The following EDIL3 variants were observed in gnomAD, a reference collection of about 807,000 sequenced individuals.
The protein encoded by EDIL3 is EGF like and discoidin domains 3.
EDIL3 carries 37 observed loss-of-function variants against 67.4 expected under a neutral mutation model. That is an observed-to-expected ratio of 0.55 (90% CI 0.42 to 0.72). The LOEUF (loss-of-function observed/expected upper bound fraction) is 0.72. Ranked by LOEUF, EDIL3 falls within the 30% of genes least tolerant of loss-of-function variation. The pLI, the probability that EDIL3 is intolerant of heterozygous loss-of-function variation, is 0.00. For missense variants in EDIL3, 527 were observed against 586.3 expected (o/e 0.90, Z 1.04); for synonymous variants, 195 against 196.3 (o/e 0.99, Z 0.05).
intron 3 of EDIL3, 38 bp from the exon 4 acceptor site, chr5:84,180,559 T>C: frequency 6.6e-7 from 1 of 1,520,770 alleles, no homozygotes; most frequent in Non-Finnish European, 8.8e-7. Context: ...TTGATGCATA[T>C]TCTTAAAAGT....
At chr5:84,133,350 C>T (rs1748027208) in intron 5 of EDIL3, among the ~76,000 whole-genome samples, 1 of 150,622 alleles carries the variant, frequency 6.6e-6, no homozygotes, top group Non-Finnish European at 1.5e-5. Flanking sequence ...GGTCTGCGCG[C>T]AGTAGCTCAT....
chr5:84,017,178 G>A lies in EDIL3; in HGVS notation c.1137+43122C>T, dbSNP rs182180094. ...CATATTTCCCCCCACATTCAACCTAGTTCTATTGTCAAGATTTACACATCT... is the reference window on the plus strand; with the variant it reads ...CATATTTCCCCCCACATTCAACCTAATTCTATTGTCAAGATTTACACATCT... On this transcript the variant is annotated intron_variant, in intron 9 of 10. Coordinates refer to ENST00000296591, the MANE Select transcript of EDIL3 (RefSeq NM_005711.5). Among the ~76,000 whole-genome samples, 6 of 152,210 alleles carry A rather than the reference G, an allele frequency of 3.9e-5. No homozygotes were observed. In the East Asian group the frequency reaches 9.6e-4, roughly 24 times the overall value.
chr5:84,371,341 A>ATATATATATG lies in EDIL3; in HGVS notation c.67+12966_67+12967insCATATATATA, dbSNP rs1008172581. Among the ~76,000 whole-genome samples the ATATATATATG allele has an allele frequency of 9.3e-4, 121 of 129,688 alleles. 2 individuals carry two copies. Among genetic ancestry groups the ATATATATATG allele is most frequent in the Non-Finnish European group, 1.3e-3 (75 of 58,842 alleles). The allele number at this position is 129,688 out of a possible 152,430, so 85.1% of individuals were successfully genotyped here. On this transcript the variant is annotated intron_variant, in intron 1 of 10. Coordinates refer to ENST00000296591, the MANE Select transcript of EDIL3 (RefSeq NM_005711.5). Reference sequence around the variant, plus strand: ...AAAGTATATATATATATATATATATATGTGTGTGTGTATATATATGTGTGT... The same window carrying ATATATATATG: ...AAAGTATATATATATATATATATATATATATATATGTGTGTGTGTGTATATATATGTGTGT...
chr5:84,260,359 T>C (rs530354048), intron 1 of EDIL3, among the ~76,000 whole-genome samples: 1 of 152,278 alleles, frequency 6.6e-6, no homozygotes, highest in South Asian at 2.1e-4. Context: ...GCCCTCATGA[T>C]AGGTAAGACA....
chr5:84,356,414 C>G (rs1747481038), intron 1 of EDIL3, among the ~76,000 whole-genome samples: 1 of 152,200 alleles, frequency 6.6e-6, no homozygotes, highest in Non-Finnish European at 1.5e-5. Flanking sequence ...TCTGGATGCT[C>G]TAGGAAAGAA....
chr5:84,348,413 T>C (rs1747277069), intron 1 of EDIL3, among the ~76,000 whole-genome samples: 1 of 152,162 alleles, frequency 6.6e-6, no homozygotes, highest in South Asian at 2.1e-4. Flanking sequence ...GGGCCTGCTG[T>C]ATCCATCTTG....
At chr5:84,343,099 T>C (rs1263743045) in intron 1 of EDIL3, among the ~76,000 whole-genome samples, 1 of 152,118 alleles carries the variant, frequency 6.6e-6, no homozygotes, top group African/African-American at 2.4e-5. Context: ...CAATAAAATA[T>C]TTGTGCCTAC....
At chr5:84,312,161 C>T (rs560985482) in intron 1 of EDIL3, among the ~76,000 whole-genome samples, 2,132 of 151,188 alleles carry the variant, frequency 0.014, 2 homozygotes, top group African/African-American at 0.049. Flanking sequence ...CCTCACCTCC[C>T]GGACCGGGCA....
intron 1 of EDIL3, among the ~76,000 whole-genome samples, chr5:84,322,178 T>C (rs1379651499): frequency 6.6e-6 from 1 of 151,556 alleles, no homozygotes; most frequent in Non-Finnish European, 1.5e-5. Flanking sequence ...TCACGAGATA[T>C]TCAAAGAAGC....
chr5:84,129,831 G>A, intron 5 of EDIL3, among the ~76,000 whole-genome samples: 1 of 152,116 alleles, frequency 6.6e-6, no homozygotes, highest in South Asian at 2.1e-4. Context: ...TATAAACATG[G>A]TTTGGCATGG....
At chr5:84,091,915 T>G (rs2112268515) in intron 6 of EDIL3, among the ~76,000 whole-genome samples, 1 of 152,330 alleles carries the variant, frequency 6.6e-6, no homozygotes, top group Admixed American at 6.5e-5. Flanking sequence ...TTTTAATACC[T>G]TTTGTTGAGA....
chr5:84,132,840 A>T (rs1022607852), intron 5 of EDIL3, among the ~76,000 whole-genome samples: 1 of 151,928 alleles, frequency 6.6e-6, no homozygotes, highest in Non-Finnish European at 1.5e-5. Context: ...CTGGATAATT[A>T]TGATATTTGG....
intron 1 of EDIL3, among the ~76,000 whole-genome samples, chr5:84,285,494 T>C (rs1334028543): frequency 6.6e-6 from 1 of 152,322 alleles, no homozygotes; most frequent in South Asian, 2.1e-4. Context: ...TAGCACGGTG[T>C]CTGGCACGTA....
intron 2 of EDIL3, among the ~76,000 whole-genome samples, chr5:84,237,489 C>A (rs1744704616): frequency 6.6e-6 from 1 of 152,046 alleles, no homozygotes; most frequent in Non-Finnish European, 1.5e-5. Flanking sequence ...AAATTCACCA[C>A]AAGCAGAATT....
intron 1 of EDIL3, among the ~76,000 whole-genome samples, chr5:84,348,981 A>G (rs1467639711): frequency 1.3e-5 from 2 of 152,208 alleles, no homozygotes; most frequent in Non-Finnish European, 2.9e-5. Flanking sequence ...CCTACTTAAG[A>G]TACCTAACAG....
chr5:84,156,836 CAGG>C (rs750603593), intron 4 of EDIL3, among the ~76,000 whole-genome samples: 7 of 152,108 alleles, frequency 4.6e-5, no homozygotes, highest in Non-Finnish European at 1.0e-4. Flanking sequence ...AGGAAAGCCT[CAGG>C]AGAAGTAATT....
chr5:84,340,562 A>G (rs1350053435), intron 1 of EDIL3, among the ~76,000 whole-genome samples: 3 of 129,884 alleles, frequency 2.3e-5, no homozygotes, highest in African/African-American at 5.6e-5. Context: ...ATATATATAT[A>G]TATATATATG....
intron 1 of EDIL3, among the ~76,000 whole-genome samples, chr5:84,286,105 T>TA (rs1484492790): frequency 7.2e-5 from 11 of 152,304 alleles, no homozygotes; most frequent in African/African-American, 2.2e-4. Flanking sequence ...GTGAACTCTG[T>TA]AGTCAGGCTG....
intron 1 of EDIL3, among the ~76,000 whole-genome samples, chr5:84,358,674 G>C (rs1283014582): frequency 7.1e-6 from 1 of 141,494 alleles, no homozygotes; most frequent in Non-Finnish European, 1.5e-5. Context: ...CACAATCTCG[G>C]CTCACTGCAA....
Sources: gnomAD v4.1 joint callset for allele counts (sites outside exome capture counted in the v4.1 genomes callset) on GRCh38, gnomAD v4.1.1 for gene constraint, MANE v1.5 for transcripts, NCBI Gene and HGNC (gene_info 2026-07-23, HGNC 2026-07-21) for gene names.